Variants in NEBL observed in about 807,000 individuals in gnomAD.
NEBL encodes LIM and SH3 protein 2.
A neutral mutation model predicts 140.2 loss-of-function variants in NEBL; 122 were observed. That is an observed-to-expected ratio of 0.87 (90% CI 0.75 to 1.01). The LOEUF (loss-of-function observed/expected upper bound fraction) is 1.01, where lower values mean the gene tolerates loss of function less well. Ranked by LOEUF, NEBL falls within the 50% of genes least tolerant of loss-of-function variation. The pLI, the probability that NEBL is intolerant of heterozygous loss-of-function variation, is 0.00. For missense variants in NEBL, 1,365 were observed against 1,231.3 expected (o/e 1.11, Z -1.62); for synonymous variants, 436 against 398.9 (o/e 1.09, Z -1.11).
intron 4 of NEBL, among the ~76,000 whole-genome samples, chr10:20,954,579 G>A (rs1835689869): frequency 2.0e-5 from 3 of 152,194 alleles, no homozygotes; most frequent in Admixed American, 6.5e-5. Flanking sequence ...GTAAGACAGG[G>A]TTTTGCTGGG....
At chr10:21,141,688 A>G (rs1330458562) in intron 2 of NEBL, among the ~76,000 whole-genome samples, 1 of 152,264 alleles carries the variant, frequency 6.6e-6, no homozygotes, top group Non-Finnish European at 1.5e-5. Context: ...AACAAGATTG[A>G]ATAAAATGAA....
intron 12 of NEBL, among the ~76,000 whole-genome samples, chr10:20,843,384 C>A (rs1841573950): frequency 6.6e-6 from 1 of 151,930 alleles, no homozygotes. Context: ...GTGTTCTGAG[C>A]CCTTTCCTAC....
rs551108497 is a variant in NEBL at position 20,894,652 on chromosome 10, C to T, written c.153+2306G>A. ...AGAATAGGCCGGGCATGGTGGCTCA[C>T]GCCTGTAATCCCAGCACTTTGGGAG... On this transcript the variant is annotated intron_variant, in intron 2 of 27. Coordinates refer to ENST00000377122, the MANE Select transcript of NEBL (RefSeq NM_006393.3). 1.1e-4 allele frequency among the ~76,000 whole-genome samples: 16 copies of T among 151,702 alleles called. No homozygotes were observed. The South Asian group carries it at 2.5e-3, about 24-fold the overall frequency.
intron 3 of NEBL, among the ~76,000 whole-genome samples, chr10:20,990,008 G>A (rs530806506): frequency 3.9e-5 from 6 of 152,226 alleles, no homozygotes; most frequent in Admixed American, 1.3e-4. Flanking sequence ...TCACATTAGA[G>A]TTGTTACAGA....
chr10:21,235,815 A>G (rs1163349303), intron 3 of NEBL, among the ~76,000 whole-genome samples: 3 of 152,210 alleles, frequency 2.0e-5, no homozygotes, highest in African/African-American at 7.2e-5. Context: ...ATGTGTCAAG[A>G]CAGAAAAAGT....
intron 2 of NEBL, among the ~76,000 whole-genome samples, chr10:21,092,451 G>A (rs946084305): frequency 3.9e-5 from 6 of 151,944 alleles, no homozygotes; most frequent in Admixed American, 2.0e-4. Context: ...GATTTATTCC[G>A]ATATCACTTC....
At chr10:21,277,111 AG>A (rs1415314885) in intron 1 of NEBL, among the ~76,000 whole-genome samples, 1 of 152,146 alleles carries the variant, frequency 6.6e-6, no homozygotes, top group African/African-American at 2.4e-5. Context: ...CCTGAGTCAC[AG>A]AAGAAGACCC....
exon 1 of NEBL, chr10:21,174,038 G>A (rs991488393): frequency 4.6e-5 from 52 of 1,133,030 alleles, no homozygotes; most frequent in African/African-American, 6.6e-5. Flanking sequence ...GCGCTCTCGG[G>A]CTCGCAGGCG....
At chr10:20,812,716 C>T in intron 24 of NEBL, 53 bp downstream of exon 24, 2 of 1,604,292 alleles carry the variant, frequency 1.2e-6, no homozygotes, top group South Asian at 1.1e-5. Context: ...GAAGCTAGAG[C>T]AAGCATGATC....
Position 20,869,784 on chromosome 10 carries a change from G to A in NEBL, c.538C>T (p.Pro180Ser), listed in dbSNP as rs757409219. The A allele has an allele frequency of 3.1e-6, 5 of 1,613,582 alleles. No individual in the cohort carries two copies. The highest frequency in any genetic ancestry group is 3.3e-5 in the Admixed American group (2 of 60,002). The change falls in exon 6 of 28, where the codon CCA (proline) becomes TCA (serine). Residue 180 changes from proline to serine, a missense_variant. Coordinates refer to ENST00000377122, the MANE Select transcript of NEBL (RefSeq NM_006393.3). ...THTYSAELDR[P>S]DIKMATQISK... is the part of the protein sequence containing the mutation. The stretch of plus-strand genomic sequence containing the variant: ...ATCTGGGTTGCCATCTTGATGTCTG[G>A]TCGGTCAAGTTCTGCACTGTACGTG...
intron 2 of NEBL, among the ~76,000 whole-genome samples, chr10:21,063,711 T>C (rs906892879): frequency 6.6e-6 from 1 of 151,926 alleles, no homozygotes; most frequent in African/African-American, 2.4e-5. Flanking sequence ...CTCAGCAACA[T>C]GGTGAAACCC....
intron 3 of NEBL, among the ~76,000 whole-genome samples, chr10:21,190,693 A>G (rs928278005): frequency 1.3e-5 from 2 of 152,266 alleles, no homozygotes; most frequent in East Asian, 1.9e-4. Context: ...ATCATTAAGA[A>G]TAGATTTATT....
chr10:21,198,773 C>T (rs918976918), intron 3 of NEBL, among the ~76,000 whole-genome samples: 1 of 151,982 alleles, frequency 6.6e-6, no homozygotes, highest in Non-Finnish European at 1.5e-5. Flanking sequence ...TCTTCTTCTG[C>T]CCAGAGCCTG....
At chr10:21,284,229 A>AAC (rs1564555803) in intron 1 of NEBL, among the ~76,000 whole-genome samples, 2 of 123,544 alleles carry the variant, frequency 1.6e-5, no homozygotes. Flanking sequence ...AAAAAAAAAA[A>AAC]AAAACGAAAA....
At chr10:21,158,083 A>G (rs1713701144) in intron 2 of NEBL, among the ~76,000 whole-genome samples, 1 of 152,208 alleles carries the variant, frequency 6.6e-6, no homozygotes, top group Non-Finnish European at 1.5e-5. Context: ...GTTATTTAAG[A>G]CACCCCGTTT....
chr10:21,012,465 T>C (rs2131743550), intron 3 of NEBL, among the ~76,000 whole-genome samples: 1 of 152,240 alleles, frequency 6.6e-6, no homozygotes, highest in East Asian at 1.9e-4. Context: ...CCTCAAGCGA[T>C]CCTTCTGCCT....
chr10:20,925,750 C>T (rs188935977), intron 4 of NEBL, among the ~76,000 whole-genome samples: 31 of 150,724 alleles, frequency 2.1e-4, no homozygotes, highest in Admixed American at 1.8e-3. Context: ...ATCAAGAGTA[C>T]ACAATTTGGA....
At chr10:21,172,213 G>A in intron 2 of NEBL, 1 of 653,630 alleles carries the variant, frequency 1.5e-6, no homozygotes, top group Non-Finnish European at 2.8e-6. Context: ...GGTATAAAAA[G>A]CAGTGATCGT....
At chr10:21,239,197 C>T (rs1334255120) in intron 3 of NEBL, among the ~76,000 whole-genome samples, 1 of 151,990 alleles carries the variant, frequency 6.6e-6, no homozygotes, top group Admixed American at 6.6e-5. Flanking sequence ...AATAATAGTC[C>T]CAAGTCTGTT....
Sources: gnomAD v4.1 joint callset for allele counts (sites outside exome capture counted in the v4.1 genomes callset) on GRCh38, gnomAD v4.1.1 for gene constraint, MANE v1.5 for transcripts, NCBI Gene and HGNC (gene_info 2026-07-23, HGNC 2026-07-21) for gene names.